The following GANC variants were observed in gnomAD, a reference collection of about 807,000 sequenced individuals.
GANC encodes neutral alpha-glucosidase C.
GANC carries 117 observed loss-of-function variants against 124.2 expected under a neutral mutation model. The observed-to-expected ratio is 0.94, with a 90% confidence interval of 0.81 to 1.10. GANC has a LOEUF of 1.10. Among genes scored for constraint, GANC ranks in the 50% least tolerant of loss-of-function variants. The pLI, the probability that GANC is intolerant of heterozygous loss-of-function variation, is 0.00. For synonymous variants in GANC, 377 were observed against 376.8 expected (o/e 1.00, Z -0.01); for missense variants, 1,140 against 1,095.0 (o/e 1.04, Z -0.58).
chr15:42,288,293 A>G (rs2412690), intron 4 of GANC, among the ~76,000 whole-genome samples: 138,427 of 152,192 alleles, frequency 0.91, 64,308 homozygotes, highest in Non-Finnish European at 1. Context: ...GAAGTCTAAC[A>G]TGTAATTTTA....
intron 16 of GANC, 98 bp downstream of exon 16, chr15:42,338,588 G>T: frequency 2.3e-6 from 2 of 854,692 alleles, no homozygotes; most frequent in Non-Finnish European, 3.9e-6. Context: ...AGCTGTTGTG[G>T]GCAGACATAA....
Position 42,273,534 on chromosome 15 carries a change from CG to C in GANC, c.-946del. 1.4e-6 allele frequency: 2 copies of C among 1,425,626 alleles called. No individual in the cohort carries two copies. The highest frequency in any genetic ancestry group is 2.3e-5 in the Admixed American group (1 of 43,554). 88.3% of individuals were successfully genotyped at this position (1,425,626 alleles called of 1,614,324 possible). A position where few individuals can be genotyped will look rare whatever the true frequency, so the allele number is the denominator to read the frequency against. On this transcript the variant is annotated 5_prime_UTR_variant, in exon 1 of 24. Transcript: ENST00000318010. The stretch of plus-strand genomic sequence containing the variant: ...GGAGCTTGTTTGCTGTGCGGCGTAG[CG>C]GCCCCTCTCTCAGACAGTCGTCTGT...
chr15:42,339,783 G>A lies in GANC; in HGVS notation c.1958G>A (p.Arg653Gln), dbSNP rs781110104. Residue 653 changes from arginine to glutamine, a missense_variant, in exon 17 of 24, where the codon CGA (arginine) becomes CAA (glutamine). Arg to Gln is a conservative substitution (Grantham distance 43). Coordinates refer to ENST00000318010, the MANE Select transcript of GANC (RefSeq NM_198141.3). ...RGHATMNTKR[R>Q]EPWLFGEEHT... ...CATGCCACCATGAACACCAAGCGAC[G>A]AGAGCCCTGGCTCTTTGGGGAGGAA... is the stretch of plus-strand genomic sequence containing the variant. The A allele has an allele frequency of 1.1e-5, 18 of 1,614,024 alleles. No individual in the cohort carries two copies. The highest frequency in any genetic ancestry group is 1.6e-4 in the Middle Eastern group (1 of 6,084).
At chr15:42,287,666 G>A (rs1035505948) in intron 3 of GANC, 25 bp from the exon 4 acceptor site, 3 of 1,601,332 alleles carry the variant, frequency 1.9e-6, no homozygotes, top group Non-Finnish European at 2.6e-6. Context: ...ACCTGTTGAA[G>A]GTAATCTCTT....
chr15:42,279,221 T>C (rs1047067583), intron 3 of GANC, among the ~76,000 whole-genome samples: 19 of 152,242 alleles, frequency 1.2e-4, no homozygotes, highest in Non-Finnish European at 2.1e-4. Flanking sequence ...GGAAAATCAC[T>C]TGCCCAAAGT....
At chr15:42,313,955 A>ACACAACAACAAC in intron 10 of GANC, 2 of 562,110 alleles carry the variant, frequency 3.6e-6, no homozygotes, top group East Asian at 6.0e-5. Context: ...CTATCTCTAA[A>ACACAACAACAAC]AACAACAGCA....
intron 10 of GANC, among the ~76,000 whole-genome samples, chr15:42,312,484 C>T (rs181595645): frequency 6.6e-6 from 1 of 152,300 alleles, no homozygotes; most frequent in East Asian, 1.9e-4. Context: ...TCCTTGCCTT[C>T]GGCCACAATT....
intron 3 of GANC, chr15:42,283,908 AG>A (rs1245479323): frequency 1.4e-6 from 1 of 702,620 alleles, no homozygotes; most frequent in East Asian, 2.7e-5. Context: ...GCCCAGCGTG[AG>A]GTTGCCAGTA....
chr15:42,352,793 GT>G lies in GANC; in HGVS notation c.*657del. 2.4e-6 allele frequency: 2 copies of G among 840,982 alleles called. No individual in the cohort carries two copies. The highest frequency in any genetic ancestry group is 2.9e-6 in the Non-Finnish European group (2 of 698,332). 52.1% of individuals were successfully genotyped at this position (840,982 alleles called of 1,614,324 possible). ...TACATTGTTTTTTTAATTAAGTGCTGTTTACTAACCAAATAATATTTATAAC... is the reference window on the plus strand; with the variant it reads ...TACATTGTTTTTTTAATTAAGTGCTGTTACTAACCAAATAATATTTATAAC... On this transcript the variant is annotated 3_prime_UTR_variant, in exon 24 of 24. Transcript: ENST00000318010.
At chr15:42,313,938 C>T (rs1212562089) in intron 10 of GANC, 10 of 590,336 alleles carry the variant, frequency 1.7e-5, no homozygotes, top group African/African-American at 4.2e-5. Context: ...GACAACAGAG[C>T]GAGACCCTAT....
intron 15 of GANC, among the ~76,000 whole-genome samples, chr15:42,333,057 A>G (rs1196993157): frequency 1.3e-5 from 2 of 149,996 alleles, no homozygotes; most frequent in Non-Finnish European, 3.0e-5. Context: ...GGTCACGAGC[A>G]GTGGCTCATG....
chr15:42,325,486 T>C (rs1389801241), intron 11 of GANC, among the ~76,000 whole-genome samples: 3 of 152,156 alleles, frequency 2.0e-5, no homozygotes, highest in Non-Finnish European at 4.4e-5. Flanking sequence ...TTACAACTTT[T>C]CTCAAATCTC....
intron 15 of GANC, among the ~76,000 whole-genome samples, chr15:42,335,298 A>G (rs552575792): frequency 6.6e-6 from 1 of 152,200 alleles, no homozygotes; most frequent in Non-Finnish European, 1.5e-5. Flanking sequence ...TTGGAATGCA[A>G]GGTTGGTTTA....
chr15:42,321,858 T>A lies in GANC; in HGVS notation c.1131T>A (p.Asp377Glu). The A allele has an allele frequency of 3.1e-6, 5 of 1,614,188 alleles. No homozygotes were observed. Among genetic ancestry groups the A allele is most frequent in the Non-Finnish European group, 1.7e-6 (2 of 1,180,032 alleles). The change falls in exon 11 of 24, where the codon GAT becomes GAA. Residue 377 changes from aspartate (D) to glutamate (E), a missense_variant. Asp to Glu is a conservative substitution (Grantham distance 45, BLOSUM62 2). Coordinates refer to ENST00000318010, the MANE Select transcript of GANC (RefSeq NM_198141.3). ...QCRWNYEDEQ[D>E]VKAVDAGFDE... ...GCTGGAACTATGAAGATGAGCAGGA[T>A]GTAAAAGCAGTGGATGCAGGGTTTG...
At chr15:42,327,761 T>C (rs2141062230) in intron 13 of GANC, among the ~76,000 whole-genome samples, 1 of 152,354 alleles carries the variant, frequency 6.6e-6, no homozygotes, top group Middle Eastern at 3.4e-3. Flanking sequence ...TCCATAACTG[T>C]TATTTAAATA....
rs187872391 is a variant in GANC, at chr15:42,334,255, G to T, written c.1741+3583G>T. ...CAGATCACTGCAACCTCCACCTCCC[G>T]GGTTCAAGTGATTCTCCTGCCTCAG... On this transcript the variant is annotated intron_variant, in intron 15 of 23. Transcript: ENST00000318010. Among the ~76,000 whole-genome samples the T allele has an allele frequency of 5.3e-5, 8 of 151,782 alleles. No homozygotes were observed. The South Asian group carries it at 1.7e-3, about 32-fold the overall frequency.
intron 17 of GANC, 75 bp from the exon 18 acceptor site, chr15:42,340,615 A>C (rs906648056): frequency 3.3e-6 from 4 of 1,227,690 alleles, no homozygotes; most frequent in Non-Finnish European, 4.6e-6. Context: ...AAAAAAAAAA[A>C]AACTAAAAAT....
chr15:42,280,837 AC>A, intron 3 of GANC: 1 of 653,838 alleles, frequency 1.5e-6, no homozygotes, highest in East Asian at 2.7e-5. Flanking sequence ...TGCGGTGGAC[AC>A]CCACATATGC....
At position 42,273,623 on chromosome 15, in the gene GANC, TAG is replaced by T. The variant is rs2051613112; in HGVS notation, c.-853_-852del. The T allele has an allele frequency of 1.5e-6, 1 of 675,902 alleles. No individual in the cohort carries two copies. The highest frequency in any genetic ancestry group is 1.9e-5 in the South Asian group (1 of 51,424). The allele number at this position is 675,902 out of a possible 1,614,324, so 41.9% of individuals were successfully genotyped here. A position where few individuals can be genotyped will look rare whatever the true frequency, so the allele number is the denominator to read the frequency against. On this transcript the variant is annotated 5_prime_UTR_variant, in exon 1 of 24. Transcript: ENST00000318010. ...CCTGTTGGAACCTGGTCAGCTGGGT[TAG>T]AGAGATCGCTACATGCCAGCCTGGC...
Sources: gnomAD v4.1 joint callset for allele counts (sites outside exome capture counted in the v4.1 genomes callset) on GRCh38, gnomAD v4.1.1 for gene constraint, MANE v1.5 for transcripts, NCBI Gene and HGNC (gene_info 2026-07-23, HGNC 2026-07-21) for gene names.